The following COL4A2 variants were observed in gnomAD, a reference collection of about 807,000 sequenced individuals.
The protein encoded by COL4A2 is collagen type IV alpha 2 chain.
Under a neutral mutation model 200.2 loss-of-function variants are expected in COL4A2, and 99 were observed. That is an observed-to-expected ratio of 0.49 (90% CI 0.42 to 0.58). The LOEUF (loss-of-function observed/expected upper bound fraction) is 0.58. COL4A2 is among the 20% of genes least tolerant of loss of function. The pLI, the probability that COL4A2 is intolerant of heterozygous loss-of-function variation, is 0.00. For missense variants in COL4A2, 1,950 were observed against 2,314.1 expected (o/e 0.84, Z 3.23); for synonymous variants, 897 against 900.6 (o/e 1.00, Z 0.07).
chr13:110,463,577 C>A (rs1882118402), intron 24 of COL4A2, among the ~76,000 whole-genome samples: 1 of 152,188 alleles, frequency 6.6e-6, no homozygotes, highest in African/African-American at 2.4e-5. Context: ...TGTAATAACA[C>A]TCTTGAGTGC....
At chr13:110,511,459 G>A (rs1467710180) in intron 47 of COL4A2, among the ~76,000 whole-genome samples, 1 of 151,948 alleles carries the variant, frequency 6.6e-6, no homozygotes, top group African/African-American at 2.4e-5. Flanking sequence ...AGGCCTGGCT[G>A]GGTGATTATT....
Position 110,512,351 on chromosome 13 carries a change from C to T in COL4A2, c.*160C>T, listed in dbSNP as rs1594121234. ...ACTTAGACCTGCCAGCCACTGTCAC[C>T]GAGCGGGTGCAAGCACTCGGGGTCC... is the stretch of plus-strand genomic sequence containing the variant. On this transcript the variant is annotated 3_prime_UTR_variant, in exon 48 of 48. Transcript: ENST00000360467. 12 of 1,269,192 alleles carry T rather than the reference C, an allele frequency of 9.5e-6. No homozygotes were observed. Among genetic ancestry groups the T allele is most frequent in the African/African-American group, 3.0e-5 (2 of 66,474 alleles). 78.6% of individuals were successfully genotyped at this position (1,269,192 alleles called of 1,614,324 possible).
chr13:110,322,430 G>A (rs1304584825), intron 3 of COL4A2, among the ~76,000 whole-genome samples: 1 of 152,220 alleles, frequency 6.6e-6, no homozygotes, highest in African/African-American at 2.4e-5. Context: ...GCCCACACAG[G>A]TGCAGGCACC....
At chr13:110,446,918 G>C (rs1770614795) in intron 18 of COL4A2, 54 bp downstream of exon 18, 4 of 1,453,942 alleles carry the variant, frequency 2.8e-6, no homozygotes, top group Admixed American at 1.7e-5. Flanking sequence ...ATTCTCTCCT[G>C]TTAGGGACAC....
chr13:110,479,203 C>T (rs1334903770), intron 30 of COL4A2, among the ~76,000 whole-genome samples: 2 of 151,776 alleles, frequency 1.3e-5, no homozygotes, highest in Admixed American at 1.3e-4. Context: ...GTGGTGCTTA[C>T]GAGACCCATG....
At chr13:110,510,301 A>G (rs182075849) in intron 47 of COL4A2, among the ~76,000 whole-genome samples, 3 of 152,348 alleles carry the variant, frequency 2.0e-5, no homozygotes, top group Admixed American at 2.0e-4. Context: ...CCGGATGCAG[A>G]CTGCAGCAGC....
chr13:110,372,020 C>T (rs560612876), intron 4 of COL4A2, among the ~76,000 whole-genome samples: 4 of 150,604 alleles, frequency 2.7e-5, no homozygotes, highest in Admixed American at 1.3e-4. Flanking sequence ...AGATTCCGCT[C>T]ACCTCTCTCT....
At chr13:110,338,781 T>C (rs1230331487) in intron 3 of COL4A2, among the ~76,000 whole-genome samples, 1 of 152,248 alleles carries the variant, frequency 6.6e-6, no homozygotes, top group Non-Finnish European at 1.5e-5. Flanking sequence ...GTCTGGCTGC[T>C]CTTCGCCGCC....
chr13:110,420,114 C>T (rs767631813), intron 4 of COL4A2, among the ~76,000 whole-genome samples: 52 of 152,068 alleles, frequency 3.4e-4, no homozygotes, highest in Non-Finnish European at 4.6e-4. Flanking sequence ...TTATAGCAAG[C>T]CCCCAGGTGA....
chr13:110,439,540 G>A (rs974405256), intron 15 of COL4A2, among the ~76,000 whole-genome samples: 1 of 152,108 alleles, frequency 6.6e-6, no homozygotes, highest in Non-Finnish European at 1.5e-5. Flanking sequence ...TGCTTTCTTC[G>A]AGCCTTTTTA....
intron 4 of COL4A2, among the ~76,000 whole-genome samples, chr13:110,364,748 A>G (rs1308852552): frequency 1.3e-5 from 2 of 152,116 alleles, no homozygotes; most frequent in African/African-American, 4.8e-5. Flanking sequence ...CACATTTGCT[A>G]TGAGTTTCCT....
intron 3 of COL4A2, among the ~76,000 whole-genome samples, chr13:110,332,742 T>A (rs1279921227): frequency 6.6e-6 from 1 of 152,230 alleles, no homozygotes; most frequent in East Asian, 1.9e-4. Flanking sequence ...AACTCTGTGT[T>A]GAAAGGTGAC....
At position 110,436,212 on chromosome 13, in the gene COL4A2, G is replaced by C. The variant is rs750623149; in HGVS notation, c.727-57G>C. ...TTTTGGCCAGGTTGTATTTGTATTC[G>C]AGTTTTGTAGTTTCCTTTCGATTTA... On this transcript the variant is annotated intron_variant, in intron 12 of 47. Transcript: ENST00000360467. 5 of 1,609,526 alleles carry C rather than the reference G, an allele frequency of 3.1e-6. No homozygotes were observed. In the African/African-American group the frequency reaches 5.4e-5, roughly 17 times the overall value.
chr13:110,338,256 T>G (rs868144952), intron 3 of COL4A2, among the ~76,000 whole-genome samples: 1 of 152,188 alleles, frequency 6.6e-6, no homozygotes, highest in Non-Finnish European at 1.5e-5. Flanking sequence ...GAGCAGTTAC[T>G]GCATATGAAG....
At chr13:110,467,238 T>C in intron 27 of COL4A2, 142 bp downstream of exon 27, 1 of 1,094,982 alleles carries the variant, frequency 9.1e-7, no homozygotes, top group Non-Finnish European at 1.3e-6. Flanking sequence ...CACAAACTGG[T>C]CTTGCGCCTA....
intron 3 of COL4A2, among the ~76,000 whole-genome samples, chr13:110,316,314 G>C (rs1164866715): frequency 6.6e-6 from 1 of 152,178 alleles, no homozygotes; most frequent in Non-Finnish European, 1.5e-5. Context: ...TGGTGCACAG[G>C]GTCAGACACA....
intron 25 of COL4A2, 137 bp from the exon 26 acceptor site, chr13:110,465,866 C>G (rs888430306): frequency 1.7e-4 from 186 of 1,089,824 alleles, no homozygotes; most frequent in Non-Finnish European, 3.9e-5. Flanking sequence ...TTTCCCGTTC[C>G]CTGCCCATTT....
chr13:110,410,584 C>T (rs977957250), intron 4 of COL4A2, among the ~76,000 whole-genome samples: 3 of 152,168 alleles, frequency 2.0e-5, no homozygotes, highest in African/African-American at 7.2e-5. Flanking sequence ...TCTCCCGTAG[C>T]TTTCCTTTTC....
chr13:110,382,438 TGAGTA>T (rs1466164553), intron 4 of COL4A2, among the ~76,000 whole-genome samples: 1 of 152,158 alleles, frequency 6.6e-6, no homozygotes, highest in Non-Finnish European at 1.5e-5. Flanking sequence ...TAGCAGTAAA[TGAGTA>T]AAGTATCAAA....
Sources: gnomAD v4.1 joint callset for allele counts (sites outside exome capture counted in the v4.1 genomes callset) on GRCh38, gnomAD v4.1.1 for gene constraint, MANE v1.5 for transcripts, NCBI Gene and HGNC (gene_info 2026-07-23, HGNC 2026-07-21) for gene names.